MS4A12: variants seen among roughly 807,000 people sequenced by gnomAD.
MS4A12 encodes membrane spanning 4-domains A12, also known as membrane-spanning 4-domains subfamily A member 12.
A neutral mutation model predicts 23.7 loss-of-function variants in MS4A12; 28 were observed. That is an observed-to-expected ratio of 1.18 (90% CI 0.88 to 1.62). The LOEUF (loss-of-function observed/expected upper bound fraction) is 1.62. Ranked by LOEUF, MS4A12 falls within the 40% of genes most tolerant of loss-of-function variation. The pLI is 0.00. For synonymous variants in MS4A12, 108 were observed against 110.1 expected, an observed-to-expected ratio of 0.98 and a Z score of 0.12; for missense variants, 342 against 327.0, an observed-to-expected ratio of 1.05 and a Z score of -0.35.
At position 60,506,801 on chromosome 11, in the gene MS4A12, C is replaced by A. The variant is rs1423000621; in HGVS notation, c.662C>A (p.Ala221Asp). The A allele has an allele frequency of 6.2e-7, 1 of 1,614,142 alleles. No homozygotes were observed. The highest frequency in any genetic ancestry group is 8.5e-7 in the Non-Finnish European group (1 of 1,179,998). Residue 221 changes from alanine (A) to aspartate (D), a missense_variant, in exon 6 of 7, where the codon GCC becomes GAC. Transcript: ENST00000016913. ...LLEFFVACAT[A>D]HFANQANTTT... ...GAGTTCTTCGTAGCTTGTGCCACAG[C>A]CCATTTTGCCAACCAAGCAAACACC... is the stretch of plus-strand genomic sequence containing the variant.
intron 6 of MS4A12, 83 bp downstream of exon 6, chr11:60,506,921 G>T (rs549497974): frequency 7.5e-5 from 114 of 1,519,302 alleles, no homozygotes; most frequent in Admixed American, 1.0e-4. Context: ...CCTACTATCG[G>T]CTTACCAGAA....
intron 1 of MS4A12, among the ~76,000 whole-genome samples, chr11:60,494,513 C>T (rs2086473431): frequency 6.6e-6 from 1 of 152,170 alleles, no homozygotes; most frequent in Admixed American, 6.5e-5. Context: ...TACCCATCTC[C>T]TATTTCTTTG....
intron 2 of MS4A12, chr11:60,498,080 G>C (rs1178414401): frequency 6.4e-6 from 1 of 155,104 alleles, no homozygotes; most frequent in Non-Finnish European, 1.4e-5. Flanking sequence ...CCTTAGAGAT[G>C]CTACAGTTTA....
chr11:60,495,144 C>A (rs1416099422), intron 1 of MS4A12, among the ~76,000 whole-genome samples: 1 of 123,650 alleles, frequency 8.1e-6, no homozygotes, highest in Non-Finnish European at 1.8e-5. Flanking sequence ...AGGCGACCAC[C>A]ACTACACCCG....
Position 60,501,967 on chromosome 11 carries a change from T to G in MS4A12, c.415-16T>G. ...CAGTTAACCCATTTCACAAATAAAT[T>G]TGTCCATTTCCACAGTTTATTATCT... is the stretch of plus-strand genomic sequence containing the variant. On this transcript the variant is annotated splice_polypyrimidine_tract_variant and intron_variant, in intron 3 of 6. Coordinates refer to ENST00000016913, the MANE Select transcript of MS4A12 (RefSeq NM_017716.3). 1.2e-6 allele frequency: 2 copies of G among 1,603,504 alleles called. No individual in the cohort carries two copies. The highest frequency in any genetic ancestry group is 1.7e-6 in the Non-Finnish European group (2 of 1,171,396).
intron 2 of MS4A12, 182 bp downstream of exon 2, chr11:60,497,776 A>G (rs562592054): frequency 2.5e-4 from 172 of 692,678 alleles, no homozygotes; most frequent in Middle Eastern, 1.7e-3. Context: ...TAGATCAAGC[A>G]AAAATATAAC....
chr11:60,504,004 C>G (rs1360818560), intron 5 of MS4A12, among the ~76,000 whole-genome samples, 187 bp downstream of exon 5: 1 of 152,120 alleles, frequency 6.6e-6, no homozygotes, highest in African/African-American at 2.4e-5. Context: ...ACAGATAGAC[C>G]GAGGCTTAAA....
chr11:60,499,344 TAGG>T lies in MS4A12; in HGVS notation c.277-1695_277-1693del, dbSNP rs1234007281. 4.0e-5 allele frequency among the ~76,000 whole-genome samples: 6 copies of T among 151,672 alleles called. No individual in the cohort carries two copies. In the South Asian group the frequency reaches 1.2e-3, roughly 31 times the overall value. ...TCAGTAGATGGTACAGCCAGGGCTGTAGGAGGAGAAATGAGGGCCAGTACAAAT... is the reference window on the plus strand; with the variant it reads ...TCAGTAGATGGTACAGCCAGGGCTGTAGGAGAAATGAGGGCCAGTACAAAT... On this transcript the variant is annotated intron_variant, in intron 2 of 6. Transcript: ENST00000016913.
intron 4 of MS4A12, among the ~76,000 whole-genome samples, chr11:60,503,069 C>T (rs1178428339): frequency 3.9e-5 from 6 of 152,210 alleles, no homozygotes; most frequent in Middle Eastern, 3.4e-3. Flanking sequence ...AAGTCACCTG[C>T]GGACTTGGTT....
chr11:60,498,351 C>T (rs1479992448), intron 2 of MS4A12, among the ~76,000 whole-genome samples: 1 of 152,200 alleles, frequency 6.6e-6, no homozygotes, highest in Non-Finnish European at 1.5e-5. Flanking sequence ...GCCAGAAACT[C>T]TTCTAGCCAT....
At chr11:60,505,490 C>T (rs138592924) in intron 5 of MS4A12, among the ~76,000 whole-genome samples, 1 of 146,802 alleles carries the variant, frequency 6.8e-6, no homozygotes, top group East Asian at 2.0e-4. Flanking sequence ...ATTCACCCTC[C>T]AAAATACCAA....
chr11:60,503,566 A>C (rs138525713), intron 4 of MS4A12, 135 bp from the exon 5 acceptor site: 4 of 698,438 alleles, frequency 5.7e-6, no homozygotes. Context: ...AGAAGGGCAG[A>C]AAACAGAATA....
chr11:60,497,849 T>C (rs4938951), intron 2 of MS4A12: 231,109 of 415,972 alleles, frequency 0.56, 64,376 homozygotes, highest in Admixed American at 0.65. Flanking sequence ...GAAGCACTGT[T>C]ACATCTAGCT....
chr11:60,494,127 T>A (rs969738704), intron 1 of MS4A12, among the ~76,000 whole-genome samples: 4 of 152,218 alleles, frequency 2.6e-5, no homozygotes, highest in African/African-American at 9.6e-5. Flanking sequence ...TTCATTTCAA[T>A]TGAATAATTA....
At chr11:60,501,208 C>T (rs2086528137) in intron 3 of MS4A12, 26 bp downstream of exon 3, 1 of 1,569,242 alleles carries the variant, frequency 6.4e-7, no homozygotes, top group East Asian at 2.3e-5. Flanking sequence ...GAACACCAGT[C>T]CTTCTTGGTT....
rs759965296 is a variant in MS4A12 at position 60,506,784 on chromosome 11, C to T, written c.645C>T (p.Phe215=). 2.9e-5 allele frequency: 47 copies of T among 1,614,168 alleles called. No homozygotes were observed. The highest frequency in any genetic ancestry group is 1.6e-4 in the Middle Eastern group (1 of 6,062). The change falls in exon 6 of 7, where the codon TTC becomes TTT. Residue 215 remains phenylalanine, a synonymous_variant. Coordinates refer to ENST00000016913, the MANE Select transcript of MS4A12 (RefSeq NM_017716.3). The part of the protein sequence containing the change: ...TLMIFSLLEF[F]VACATAHFAN... The stretch of plus-strand genomic sequence containing the variant: ...TGATCTTCTCCCTCTTGGAGTTCTT[C>T]GTAGCTTGTGCCACAGCCCATTTTG...
At position 60,507,034 on chromosome 11, in the gene MS4A12, TC is replaced by T; in HGVS notation, c.716del (p.Pro239GlnfsTer9). On this transcript the variant is annotated frameshift_variant, in exon 7 of 7. Coordinates refer to ENST00000016913, the MANE Select transcript of MS4A12 (RefSeq NM_017716.3). LOFTEE classifies it low-confidence loss of function (END_TRUNC). ...ATTCTTTCCAGTCTGTCCTGGTTATTCCAAATATGTATGAAAGCAACCCTGT... is the reference window on the plus strand; with the variant it reads ...ATTCTTTCCAGTCTGTCCTGGTTATTCAAATATGTATGAAAGCAACCCTGT... ...TTTNMSVLVIPNMYESNPVTP... is the reference protein window; with the variant it reads ...TTTNMSVLVIXNMYESNPVTP... 6.2e-7 allele frequency: 1 copy of T among 1,613,496 alleles called. No individual in the cohort carries two copies. Among genetic ancestry groups the T allele is most frequent in the South Asian group, 1.1e-5 (1 of 91,068 alleles).
chr11:60,497,829 T>C (rs1382806496), intron 2 of MS4A12: 2 of 486,322 alleles, frequency 4.1e-6, no homozygotes, highest in East Asian at 7.5e-5. Flanking sequence ...TTGGTAATAT[T>C]GACGTGACAG....
Position 60,497,195 on chromosome 11 carries a change from T to C in MS4A12, c.-6-118T>C, listed in dbSNP as rs2086493474. 3 of 1,204,570 alleles carry C rather than the reference T, an allele frequency of 2.5e-6. No homozygotes were observed. In the Admixed American group the frequency reaches 7.2e-5, roughly 29 times the overall value. 74.6% of individuals were successfully genotyped at this position (1,204,570 alleles called of 1,614,324 possible). On this transcript the variant is annotated intron_variant, in intron 1 of 6. Coordinates refer to ENST00000016913, the MANE Select transcript of MS4A12 (RefSeq NM_017716.3). ...GTTTCTATCAGTTGTTATGGCCCATTATCTGCTCACTTGTTCTCTCCATTT... is the reference window on the plus strand; with the variant it reads ...GTTTCTATCAGTTGTTATGGCCCATCATCTGCTCACTTGTTCTCTCCATTT...
Sources: allele counts gnomAD v4.1 joint callset (sites outside exome capture counted in the v4.1 genomes callset), GRCh38; gene constraint gnomAD v4.1.1; transcripts MANE v1.5; gene names NCBI Gene and HGNC (gene_info 2026-07-23, HGNC 2026-07-21).